ADNP: variants seen among roughly 807,000 people sequenced by gnomAD.
ADNP encodes the protein activity-dependent neuroprotector homeobox protein.
In ADNP, 4 loss-of-function variants were observed where a neutral mutation model predicts 84.9. That is an observed-to-expected ratio of 0.05 (90% CI 0.02 to 0.11). The LOEUF is 0.11. Among genes scored for constraint, ADNP ranks in the 10% least tolerant of loss-of-function variants. The probability of loss-of-function intolerance (pLI) is 1.00; values close to 1 mark genes in which losing one functional copy is unlikely to be tolerated. For missense variants in ADNP, 1,132 were observed against 1,326.0 expected (o/e 0.85, Z 2.27); for synonymous variants, 554 against 468.1 (o/e 1.18, Z -2.37).
At position 50,931,398 on chromosome 20, in the gene ADNP, G is replaced by C. The variant is rs546013855; in HGVS notation, c.-837C>G. 2 of 152,742 alleles carry C rather than the reference G, an allele frequency of 1.3e-5. No individual in the cohort carries two copies. Among genetic ancestry groups the C allele is most frequent in the South Asian group, 4.0e-4 (2 of 5,016 alleles). The allele number at this position is 152,742 out of a possible 1,614,324, so 9.5% of individuals were successfully genotyped here. A position where few individuals can be genotyped will look rare whatever the true frequency, so the allele number is the denominator to read the frequency against. ...AGACAATACAAGCGCCTCGGACCGA[G>C]TCCCCGAACCTGCCCTAGCCAAAAT... is the stretch of plus-strand genomic sequence containing the variant. On this transcript the variant is annotated 5_prime_UTR_variant, in exon 1 of 6. Transcript: ENST00000621696.
At chr20:50,896,459 C>T (rs1167163576) in intron 5 of ADNP, among the ~76,000 whole-genome samples, 1 of 152,052 alleles carries the variant, frequency 6.6e-6, no homozygotes, top group African/African-American at 2.4e-5. Context: ...GACGTGGTGG[C>T]AGGCGCCTCT....
intron 2 of ADNP, among the ~76,000 whole-genome samples, chr20:50,922,941 G>C (rs749792870): frequency 6.6e-6 from 1 of 152,030 alleles, no homozygotes; most frequent in East Asian, 1.9e-4. Flanking sequence ...CCGGGGTATA[G>C]GGCCAACACC....
chr20:50,918,074 T>C (rs1307595876), intron 2 of ADNP, among the ~76,000 whole-genome samples: 1 of 152,174 alleles, frequency 6.6e-6, no homozygotes, highest in Non-Finnish European at 1.5e-5. Flanking sequence ...AGTTATTGTT[T>C]AACAGGTATA....
In ADNP at chr20:50,930,861, T is replaced by A. The variant is rs1478709028; in HGVS notation, c.-300A>T. 6.9e-6 allele frequency: 1 copy of A among 145,500 alleles called. No homozygotes were observed. Among genetic ancestry groups the A allele is most frequent in the Non-Finnish European group, 1.5e-5 (1 of 65,498 alleles). 9.0% of individuals were successfully genotyped at this position (145,500 alleles called of 1,614,324 possible). ...CCTCGAGGCGCGCGCGGGGCCGGCG[T>A]GCTCGGGGGCCGGACAGCGGCGGCG... On this transcript the variant is annotated 5_prime_UTR_variant, in exon 1 of 6. Coordinates refer to ENST00000621696, the MANE Select transcript of ADNP (RefSeq NM_001282531.3).
chr20:50,918,009 G>T (rs963362453), intron 2 of ADNP, among the ~76,000 whole-genome samples: 1 of 152,140 alleles, frequency 6.6e-6, no homozygotes, highest in African/African-American at 2.4e-5. Flanking sequence ...CAAATTCATA[G>T]CAACAGAAAA....
At chr20:50,899,038 G>C (rs1210896186) in intron 5 of ADNP, among the ~76,000 whole-genome samples, 1 of 152,054 alleles carries the variant, frequency 6.6e-6, no homozygotes. Context: ...ACATAGGTTT[G>C]AACTGCTTAT....
chr20:50,900,393 A>AC (rs1410319483), intron 5 of ADNP, among the ~76,000 whole-genome samples: 1 of 152,214 alleles, frequency 6.6e-6, no homozygotes, highest in Non-Finnish European at 1.5e-5. Flanking sequence ...TACAACAATG[A>AC]CATCACCTAA....
intron 2 of ADNP, among the ~76,000 whole-genome samples, chr20:50,920,406 C>T (rs540126332): frequency 6.6e-6 from 1 of 151,482 alleles, no homozygotes; most frequent in South Asian, 2.1e-4. Flanking sequence ...CATGGTGAAA[C>T]CCATCTCTAC....
At position 50,891,358 on chromosome 20, in the gene ADNP, C is replaced by G; in HGVS notation, c.*47G>C. The G allele has an allele frequency of 3.3e-6, 5 of 1,526,516 alleles. No homozygotes were observed. The highest frequency in any genetic ancestry group is 4.4e-6 in the Non-Finnish European group (5 of 1,143,050). The allele number at this position is 1,526,516 out of a possible 1,614,324, so 94.6% of individuals were successfully genotyped here. On this transcript the variant is annotated 3_prime_UTR_variant, in exon 6 of 6. Coordinates refer to ENST00000621696, the MANE Select transcript of ADNP (RefSeq NM_001282531.3). ...ACAGCTTTGCAGTCACACTGGATAT[C>G]AGAGTTCCAGGCTGCAGCATGTCAC...
At chr20:50,930,283 G>A (rs1409616686) in intron 1 of ADNP, among the ~76,000 whole-genome samples, 1 of 152,132 alleles carries the variant, frequency 6.6e-6, no homozygotes, top group African/African-American at 2.4e-5. Context: ...GAGGAAAGCT[G>A]GCAGGTTGGG....
rs557524288 is a variant in ADNP, at chr20:50,908,915, C to T, written c.-89-4066G>A. On this transcript the variant is annotated intron_variant, in intron 2 of 5. Transcript: ENST00000621696. ...AAATTCAAGGCCCTTTCCTCACTTT[C>T]GAATGCAAAGAGAGCTAAAAACTAA... Among the ~76,000 whole-genome samples, 13 of 152,116 alleles carry T rather than the reference C, an allele frequency of 8.5e-5. No homozygotes were observed. The East Asian group carries it at 2.5e-3, about 29-fold the overall frequency.
In ADNP at chr20:50,892,539, G is replaced by A. The variant is rs6096167; in HGVS notation, c.2175C>T (p.Pro725=). The change falls in exon 6 of 6, where the codon CCC becomes CCT. Residue 725 remains proline, a synonymous_variant. Transcript: ENST00000621696. The part of the protein sequence containing the change: ...VKRTYEQMEF[P]LLKKRKLDDD... Reference sequence around the variant, plus strand: ...CATCTAACTTTCGTTTTTTCAGTAAGGGAAATTCCATTTGCTCGTAAGTGC... The same window carrying A: ...CATCTAACTTTCGTTTTTTCAGTAAAGGAAATTCCATTTGCTCGTAAGTGC... The A allele has an allele frequency of 8.7e-6, 14 of 1,614,044 alleles. No homozygotes were observed. The highest frequency in any genetic ancestry group is 1.2e-5 in the Non-Finnish European group (14 of 1,180,038).
rs1202023015 is a variant in ADNP at position 50,890,712 on chromosome 20, G to A, written c.*693C>T. ...GAACAAGAAAAATCCTATAATACAAGAGAGTCCAGATATATATCTTACGTG... is the reference window on the plus strand; with the variant it reads ...GAACAAGAAAAATCCTATAATACAAAAGAGTCCAGATATATATCTTACGTG... On this transcript the variant is annotated 3_prime_UTR_variant, in exon 6 of 6. Transcript: ENST00000621696. 2 of 154,468 alleles carry A rather than the reference G, an allele frequency of 1.3e-5. No individual in the cohort carries two copies. Among genetic ancestry groups the A allele is most frequent in the East Asian group, 1.9e-4 (1 of 5,226 alleles). The allele number at this position is 154,468 out of a possible 1,614,324, so 9.6% of individuals were successfully genotyped here.
At chr20:50,900,122 C>G (rs73263661) in intron 5 of ADNP, among the ~76,000 whole-genome samples, 5,413 of 152,222 alleles carry the variant, frequency 0.036, 219 homozygotes, top group African/African-American at 0.085. Context: ...AACTTCCAGT[C>G]CCGCAAGTGC....
At chr20:50,918,038 G>A (rs1038786802) in intron 2 of ADNP, among the ~76,000 whole-genome samples, 6 of 152,190 alleles carry the variant, frequency 3.9e-5, no homozygotes, top group Admixed American at 2.0e-4. Context: ...GTGGTTGCCA[G>A]GGGCTGGGTA....
chr20:50,891,856 G>A lies in ADNP; in HGVS notation c.2858C>T (p.Ser953Phe), dbSNP rs2122738152. 2 of 1,614,254 alleles carry A rather than the reference G, an allele frequency of 1.2e-6. No individual in the cohort carries two copies. The highest frequency in any genetic ancestry group is 1.7e-6 in the Non-Finnish European group (2 of 1,180,046). Reference protein sequence around the residue: ...EEPTKLMHNASDSEVDQDDVV... With the variant: ...EEPTKLMHNAFDSEVDQDDVV... ...ATCGTCTTGGTCAACCTCACTATCA[G>A]ATGCATTGTGCATTAGTTTGGTTGG... The change falls in exon 6 of 6, where the codon TCT becomes TTT. Residue 953 changes from serine (S) to phenylalanine (F), a missense_variant. Around this residue, in one of 10 missense-constraint regions of ADNP, gnomAD observed 381 missense variants for 319.9 expected, o/e 1.19. Coordinates refer to ENST00000621696, the MANE Select transcript of ADNP (RefSeq NM_001282531.3).
chr20:50,901,788 A>C (rs1471502299), intron 5 of ADNP, among the ~76,000 whole-genome samples: 3 of 152,252 alleles, frequency 2.0e-5, no homozygotes, highest in Non-Finnish European at 4.4e-5. Flanking sequence ...GTAACTTTTA[A>C]GTAACAAAAT....
chr20:50,924,733 T>A (rs1322260023), intron 2 of ADNP, among the ~76,000 whole-genome samples: 1 of 152,160 alleles, frequency 6.6e-6, no homozygotes, highest in Non-Finnish European at 1.5e-5. Context: ...AAGTGACATA[T>A]AAACACAACC....
chr20:50,920,934 T>C (rs1983918887), intron 2 of ADNP, among the ~76,000 whole-genome samples: 1 of 152,202 alleles, frequency 6.6e-6, no homozygotes, highest in African/African-American at 2.4e-5. Flanking sequence ...AAAGATGCAG[T>C]GGTCCACCCT....
Sources: allele counts gnomAD v4.1 joint callset (sites outside exome capture counted in the v4.1 genomes callset), GRCh38; gene constraint gnomAD v4.1.1; regional missense constraint gnomAD v4.1.1; transcripts MANE v1.5; gene names NCBI Gene and HGNC (gene_info 2026-07-23, HGNC 2026-07-21).